Variants in ADD3 observed in about 807,000 individuals in gnomAD.
The protein encoded by ADD3 is gamma-adducin.
ADD3 carries 25 observed loss-of-function variants against 80.2 expected under a neutral mutation model. The observed-to-expected ratio is 0.31, with a 90% CI of 0.23 to 0.44. The LOEUF (loss-of-function observed/expected upper bound fraction) is 0.44, where lower values mean the gene tolerates loss of function less well. Ranked by LOEUF, ADD3 falls within the 20% of genes least tolerant of loss-of-function variation. The probability of loss-of-function intolerance (pLI) is 1.00; values close to 1 mark genes in which losing one functional copy is unlikely to be tolerated. For missense variants in ADD3, 829 were observed against 847.5 expected (o/e 0.98, Z 0.27); for synonymous variants, 284 against 289.6 (o/e 0.98, Z 0.20).
chr10:110,122,460 C>A (rs1349955264), intron 9 of ADD3, among the ~76,000 whole-genome samples, 168 bp downstream of exon 9: 3 of 151,926 alleles, frequency 2.0e-5, no homozygotes, highest in South Asian at 4.1e-4. Context: ...ACAGAACTTA[C>A]AAATGTCGTG....
chr10:109,996,757 A>C (rs182491325), intron 1 of ADD3, among the ~76,000 whole-genome samples: 1 of 152,322 alleles, frequency 6.6e-6, no homozygotes, highest in East Asian at 1.9e-4. Flanking sequence ...CTATGAAATA[A>C]AAGTGTAGAC....
At position 110,008,291 on chromosome 10, in the gene ADD3, C is replaced by G. The variant is rs1159590026; in HGVS notation, c.-38C>G. On this transcript the variant is annotated 5_prime_UTR_variant, in exon 1 of 15. Coordinates refer to ENST00000356080, the MANE Select transcript of ADD3 (RefSeq NM_016824.5). ...GAGGGGAAACACAAAGCCGGCTACG[C>G]GCTGCGAGGTAATCTTGCGGGGAGA... is the stretch of plus-strand genomic sequence containing the variant. 2 of 152,182 alleles carry G rather than the reference C, an allele frequency of 1.3e-5. No homozygotes were observed. The highest frequency in any genetic ancestry group is 4.1e-4 in the South Asian group (2 of 4,828). The allele number at this position is 152,182 out of a possible 1,614,324, so 9.4% of individuals were successfully genotyped here. A position where few individuals can be genotyped will look rare whatever the true frequency, so the allele number is the denominator to read the frequency against.
intron 1 of ADD3, among the ~76,000 whole-genome samples, chr10:110,009,204 G>A (rs1852031454): frequency 6.6e-6 from 1 of 152,196 alleles, no homozygotes; most frequent in Non-Finnish European, 1.5e-5. Context: ...TTAGCCAAGA[G>A]GCTTTGAGGG....
At chr10:110,107,846 T>A (rs1305841304) in intron 2 of ADD3, among the ~76,000 whole-genome samples, 2 of 152,148 alleles carry the variant, frequency 1.3e-5, no homozygotes, top group African/African-American at 4.8e-5. Flanking sequence ...ACATTATGCT[T>A]TTGTGGCAAC....
intron 1 of ADD3, among the ~76,000 whole-genome samples, chr10:110,083,373 G>A (rs902147946): frequency 1.3e-5 from 2 of 152,058 alleles, no homozygotes; most frequent in African/African-American, 4.8e-5. Flanking sequence ...AAAATTAGCC[G>A]GGCATAGTGG....
At chr10:110,058,192 G>A (rs1414595319) in intron 1 of ADD3, among the ~76,000 whole-genome samples, 1 of 151,720 alleles carries the variant, frequency 6.6e-6, no homozygotes, top group Non-Finnish European at 1.5e-5. Flanking sequence ...TTTTTGAGGA[G>A]GGAGATTTCT....
In ADD3 at chr10:110,124,051, T is replaced by C. The variant is rs1851840428; in HGVS notation, c.1178T>C (p.Leu393Pro). 6.2e-7 allele frequency: 1 copy of C among 1,614,034 alleles called. No individual in the cohort carries two copies. Among genetic ancestry groups the C allele is most frequent in the Non-Finnish European group, 8.5e-7 (1 of 1,179,990 alleles). Residue 393 changes from leucine (L) to proline (P), a missense_variant, in exon 10 of 15, where the codon CTC (leucine) becomes CCC (proline). Coordinates refer to ENST00000356080, the MANE Select transcript of ADD3 (RefSeq NM_016824.5). ...YRTGYAYRHP[L>P]IREKPRHKSD... is the part of the protein sequence containing the mutation. ...ACAGGCTATGCTTACAGGCATCCTC[T>C]CATTCGAGAGAAGCCTAGGCACAAG... is the stretch of plus-strand genomic sequence containing the variant.
intron 1 of ADD3, among the ~76,000 whole-genome samples, chr10:110,000,238 T>C (rs1851459883): frequency 6.6e-6 from 1 of 152,226 alleles, no homozygotes; most frequent in African/African-American, 2.4e-5. Context: ...TTTTTTTAAA[T>C]AATCCTTCCA....
chr10:110,007,503 G>A (rs1283308548), upstream of ADD3, among the ~76,000 whole-genome samples: 1 of 152,216 alleles, frequency 6.6e-6, no homozygotes, highest in African/African-American at 2.4e-5. Flanking sequence ...CTCATTTAGG[G>A]CGGGAGACAT....
upstream of ADD3, among the ~76,000 whole-genome samples, chr10:110,002,351 G>A (rs1174290807): frequency 6.6e-6 from 1 of 151,946 alleles, no homozygotes; most frequent in African/African-American, 2.4e-5. Flanking sequence ...TTGGCTCACT[G>A]CAAGCTCTGC....
chr10:110,046,420 A>AT (rs61566100), intron 1 of ADD3, among the ~76,000 whole-genome samples: 40,826 of 142,756 alleles, frequency 0.29, 8,428 homozygotes, highest in African/African-American at 0.58. Flanking sequence ...TTATACGTGG[A>AT]TTTTTTTTTT....
At chr10:110,044,540 C>T (rs1222549403) in intron 1 of ADD3, among the ~76,000 whole-genome samples, 1 of 152,164 alleles carries the variant, frequency 6.6e-6, no homozygotes, top group Non-Finnish European at 1.5e-5. Flanking sequence ...TGTACATTAG[C>T]TTCAAAATGT....
chr10:110,056,538 T>C (rs986906242), intron 1 of ADD3, among the ~76,000 whole-genome samples: 2 of 152,220 alleles, frequency 1.3e-5, no homozygotes, highest in African/African-American at 4.8e-5. Flanking sequence ...CATTAATTTT[T>C]AGAAGTAGAA....
intron 1 of ADD3, among the ~76,000 whole-genome samples, chr10:110,011,557 T>C (rs994039401): frequency 6.6e-6 from 1 of 152,366 alleles, no homozygotes; most frequent in Middle Eastern, 3.4e-3. Flanking sequence ...ACTAATCTGT[T>C]TCTCACACTA....
In ADD3 at chr10:110,103,127, A is replaced by G. The variant is rs564043618; in HGVS notation, c.195+2279A>G. On this transcript the variant is annotated intron_variant, in intron 2 of 14. Coordinates refer to ENST00000356080, the MANE Select transcript of ADD3 (RefSeq NM_016824.5). ...CTTTGTGAAAGACTTAAGAAAGTGT[A>G]TACATTTTGTCTTCCTGCCATATTT... 5.8e-4 allele frequency among the ~76,000 whole-genome samples: 88 copies of G among 152,320 alleles called. 1 individual carries two copies. Among genetic ancestry groups the G allele is most frequent in the Non-Finnish European group, 1.0e-3 (71 of 68,020 alleles).
chr10:110,016,561 A>G (rs1853022048), intron 1 of ADD3: 1 of 152,236 alleles, frequency 6.6e-6, no homozygotes, highest in African/African-American at 2.4e-5. Flanking sequence ...TGCAGACAAT[A>G]ATGATGTTAA....
intron 1 of ADD3, among the ~76,000 whole-genome samples, chr10:110,036,152 A>G (rs1227806083): frequency 4.6e-5 from 7 of 152,024 alleles, no homozygotes. Context: ...CTCCATCTCA[A>G]AAAAACAAAC....
chr10:110,122,276 G>T lies in ADD3; in HGVS notation c.1127G>T (p.Arg376Met). 6.2e-7 allele frequency: 1 copy of T among 1,613,666 alleles called. No individual in the cohort carries two copies. Among genetic ancestry groups the T allele is most frequent in the Non-Finnish European group, 8.5e-7 (1 of 1,179,826 alleles). The part of the protein sequence containing the change: ...VGEIEFEGLM[R>M]TLDNLGYRTG... ...GAAATTGAGTTTGAAGGGCTTATGA[G>T]GACTCTGGACAACTTGGTAGGTTGC... is the stretch of plus-strand genomic sequence containing the variant. Residue 376 changes from arginine (R) to methionine (M), a missense_variant, in exon 9 of 15, where the codon AGG (arginine) becomes ATG (methionine). By Grantham distance (91) the Arg-to-Met change is moderately conservative. Transcript: ENST00000356080.
chr10:110,086,947 C>T (rs1303880289), intron 1 of ADD3, among the ~76,000 whole-genome samples: 1 of 152,132 alleles, frequency 6.6e-6, no homozygotes, highest in East Asian at 1.9e-4. Flanking sequence ...TCAGTGGTCT[C>T]CAATGTGAGC....
Sources: gnomAD v4.1 joint callset for allele counts (sites outside exome capture counted in the v4.1 genomes callset) on GRCh38, gnomAD v4.1.1 for gene constraint, MANE v1.5 for transcripts, NCBI Gene and HGNC (gene_info 2026-07-23, HGNC 2026-07-21) for gene names.